Variants in DMD observed in about 807,000 individuals in gnomAD.
The protein encoded by DMD is dystrophin.
DMD carries 63 observed loss-of-function variants against 330.1 expected under a neutral mutation model. The ratio of observed to expected loss-of-function variants is 0.19; its 90% confidence interval spans 0.16 to 0.24. The LOEUF (loss-of-function observed/expected upper bound fraction) is 0.24. Among genes scored for constraint, DMD ranks in the 10% least tolerant of loss-of-function variants. DMD has a pLI of 1.00. For missense variants in DMD, 3,344 were observed against 2,684.1 expected (o/e 1.25, Z -5.43); for synonymous variants, 1,223 against 959.8 (o/e 1.27, Z -5.07).
intron 57 of DMD, among the ~76,000 whole-genome samples, chrX:31,494,088 G>A (rs776093765): frequency 4.6e-4 from 49 of 106,699 alleles, no homozygotes; most frequent in South Asian, 4.0e-3. Context: ...ACCAGGAGGC[G>A]GAGGTTGCAG....
chrX:32,842,145 C>T (rs1427191717), intron 4 of DMD, among the ~76,000 whole-genome samples: 1 of 111,861 alleles, frequency 8.9e-6, no homozygotes, highest in Non-Finnish European at 1.9e-5. Flanking sequence ...AAGGGAGCCC[C>T]ATTGAGAAAA....
intron 5 of DMD, among the ~76,000 whole-genome samples, chrX:32,821,874 G>T (rs1264799409): frequency 9.1e-6 from 1 of 110,202 alleles, no homozygotes; most frequent in Admixed American, 9.7e-5. Flanking sequence ...AAATTAGATC[G>T]CTATGATGGC....
chrX:31,647,400 T>C (rs929797336), intron 54 of DMD, among the ~76,000 whole-genome samples: 1 of 112,068 alleles, frequency 8.9e-6, no homozygotes, highest in Admixed American at 9.5e-5. Flanking sequence ...ATTTCTATTT[T>C]AATAGGAAAC....
At position 32,047,185 on chromosome X, in the gene DMD, C is replaced by T. The variant is rs183285843; in HGVS notation, c.6439-78671G>A. Among the ~76,000 whole-genome samples the T allele has an allele frequency of 6.9e-3, 767 of 111,306 alleles. 8 individuals carry two copies. The highest frequency in any genetic ancestry group is 0.024 in the African/African-American group (727 of 30,729). On this transcript the variant is annotated intron_variant, in intron 44 of 78. Coordinates refer to ENST00000357033, the MANE Select transcript of DMD (RefSeq NM_004006.3). ...TTTAGGACATGTTTCTTCTTAAATA[C>T]TTCTTATTTTAATATTAGTAACAAT...
At chrX:31,786,806 G>C (rs892542512) in intron 50 of DMD, among the ~76,000 whole-genome samples, 7 of 111,935 alleles carry the variant, frequency 6.3e-5, no homozygotes, top group African/African-American at 2.3e-4. Flanking sequence ...GACCATCCCA[G>C]CTCCAGTGTC....
At chrX:31,767,059 T>C (rs2090048140) in intron 51 of DMD, among the ~76,000 whole-genome samples, 1 of 111,757 alleles carries the variant, frequency 8.9e-6, no homozygotes, top group Admixed American at 9.6e-5. Flanking sequence ...GAAAATTATA[T>C]AAATATGGAT....
intron 1 of DMD, among the ~76,000 whole-genome samples, chrX:33,312,543 T>C (rs2053866005): frequency 8.9e-6 from 1 of 111,818 alleles, no homozygotes; most frequent in African/African-American, 3.2e-5. Flanking sequence ...GACCCTACAC[T>C]ATGCAAGTGG....
At chrX:33,004,922 T>C (rs2147466623) in intron 2 of DMD, among the ~76,000 whole-genome samples, 1 of 111,602 alleles carries the variant, frequency 9.0e-6, no homozygotes, top group Admixed American at 9.6e-5. Flanking sequence ...TCATTACCTA[T>C]AAAATGAATT....
At chrX:32,461,206 T>C (rs1372037306) in intron 25 of DMD, among the ~76,000 whole-genome samples, 2 of 111,994 alleles carry the variant, frequency 1.8e-5, no homozygotes, top group East Asian at 5.7e-4. Flanking sequence ...TTATTTTGTC[T>C]GTAGATATTT....
chrX:32,839,168 T>G (rs959466296), intron 4 of DMD, among the ~76,000 whole-genome samples: 3 of 110,976 alleles, frequency 2.7e-5, no homozygotes, highest in Non-Finnish European at 5.7e-5. Context: ...TTACTACCTC[T>G]CTGCTCCCCT....
chrX:31,165,500 AAAG>A (rs764525176), intron 74 of DMD, among the ~76,000 whole-genome samples: 53 of 112,099 alleles, frequency 4.7e-4, no homozygotes, highest in Middle Eastern at 4.6e-3. Context: ...TGTCTCTCAG[AAAG>A]GCTACCTTTT....
chrX:33,189,439 T>A (rs2050422598), intron 1 of DMD, among the ~76,000 whole-genome samples: 1 of 111,521 alleles, frequency 9.0e-6, no homozygotes, highest in Non-Finnish European at 1.9e-5. Flanking sequence ...TTGATGAACT[T>A]ATGCTATGAG....
intron 76 of DMD, among the ~76,000 whole-genome samples, chrX:31,134,421 CTTTTTTTTTT>C (rs35286502): frequency 1.3e-5 from 1 of 79,661 alleles, no homozygotes; most frequent in African/African-American, 4.8e-5. Context: ...AACTGTATAT[CTTTTTTTTTT>C]TTTTTTTTTG....
At chrX:32,897,021 A>C (rs2085782537) in intron 2 of DMD, among the ~76,000 whole-genome samples, 2 of 111,983 alleles carry the variant, frequency 1.8e-5, no homozygotes, top group Admixed American at 9.5e-5. Context: ...ATACTTTAAC[A>C]TGGGCCTTCA....
chrX:32,779,836 T>A (rs1236040330), intron 7 of DMD, among the ~76,000 whole-genome samples: 2 of 110,058 alleles, frequency 1.8e-5, no homozygotes, highest in Non-Finnish European at 3.8e-5. Context: ...ACCTGCACGT[T>A]ATGCACATGT....
intron 30 of DMD, among the ~76,000 whole-genome samples, chrX:32,402,838 T>C (rs2098094028): frequency 8.9e-6 from 1 of 111,767 alleles, no homozygotes; most frequent in Admixed American, 9.6e-5. Flanking sequence ...TTCACTATTA[T>C]GGTAAACGTA....
chrX:31,679,875 C>T (rs1444664565), intron 52 of DMD, among the ~76,000 whole-genome samples: 1 of 111,940 alleles, frequency 8.9e-6, no homozygotes, highest in Non-Finnish European at 1.9e-5. Flanking sequence ...TAGAAAAGCA[C>T]TACAGCAGAA....
Position 31,121,449 on chromosome X carries a change from T to TGG in DMD, c.*469_*470insCC. 1 of 158,394 alleles carries TGG rather than the reference T, an allele frequency of 6.3e-6. No homozygotes were observed. The highest frequency in any genetic ancestry group is 7.6e-5 in the Admixed American group (1 of 13,170). The allele number at this position is 158,394 out of a possible 1,213,427, so 13.1% of individuals were successfully genotyped here. The stretch of plus-strand genomic sequence containing the variant: ...TTTTGTGTGTGTGTGTGTATGTGTG[T>TGG]GTGTGTGTGTTTGTTTTGTTTTTAG... On this transcript the variant is annotated 3_prime_UTR_variant, in exon 79 of 79. Coordinates refer to ENST00000357033, the MANE Select transcript of DMD (RefSeq NM_004006.3).
At chrX:32,854,638 A>G (rs1342727347) in intron 2 of DMD, among the ~76,000 whole-genome samples, 1 of 110,663 alleles carries the variant, frequency 9.0e-6, no homozygotes, top group Non-Finnish European at 1.9e-5. Flanking sequence ...ACTCAAAATT[A>G]GATTGTGTCA....
Sources: allele counts gnomAD v4.1 joint callset (sites outside exome capture counted in the v4.1 genomes callset), GRCh38; gene constraint gnomAD v4.1.1; transcripts MANE v1.5; gene names NCBI Gene and HGNC (gene_info 2026-07-23, HGNC 2026-07-21).